Variants in CPNE8 observed in about 807,000 individuals in gnomAD.
CPNE8 encodes copine 8, also known as copine-8.
In CPNE8, 45 loss-of-function variants were observed where a neutral mutation model predicts 81.5. That is an observed-to-expected ratio of 0.55 (90% CI 0.44 to 0.71). The LOEUF is 0.71. Ranked by LOEUF, CPNE8 falls within the 30% of genes least tolerant of loss-of-function variation. CPNE8 has a pLI of 0.00. For synonymous variants in CPNE8, 252 were observed against 226.3 expected (o/e 1.11, Z -1.02); for missense variants, 594 against 672.1 (o/e 0.88, Z 1.28).
chr12:38,811,617 G>A (rs1008515154), intron 6 of CPNE8, among the ~76,000 whole-genome samples: 1 of 152,310 alleles, frequency 6.6e-6, no homozygotes, highest in African/African-American at 2.4e-5. Flanking sequence ...CACTTTCAGA[G>A]GCTGAGACAG....
At chr12:38,699,417 G>A (rs901928239) in intron 14 of CPNE8, among the ~76,000 whole-genome samples, 2 of 152,100 alleles carry the variant, frequency 1.3e-5, no homozygotes, top group African/African-American at 4.8e-5. Context: ...TATGTGCCCC[G>A]ATCCTTATGT....
At chr12:38,779,132 C>A (rs1336799061) in intron 6 of CPNE8, among the ~76,000 whole-genome samples, 2 of 152,108 alleles carry the variant, frequency 1.3e-5, no homozygotes. Flanking sequence ...AACACCCTGA[C>A]TGAGCATCAA....
chr12:38,898,199 G>C (rs895683399), intron 1 of CPNE8, among the ~76,000 whole-genome samples: 3 of 152,030 alleles, frequency 2.0e-5, no homozygotes, highest in African/African-American at 7.2e-5. Context: ...TTCTAGATTA[G>C]CATTCTCCAC....
intron 6 of CPNE8, among the ~76,000 whole-genome samples, chr12:38,799,704 G>A (rs888531545): frequency 2.0e-5 from 3 of 151,632 alleles, no homozygotes; most frequent in African/African-American, 4.8e-5. Context: ...CAGCGTGAGC[G>A]ACGCAGAAGA....
intron 10 of CPNE8, among the ~76,000 whole-genome samples, chr12:38,760,451 A>ATATATATATGTG (rs749406707): frequency 0.014 from 1,735 of 120,142 alleles, 24 homozygotes; most frequent in Non-Finnish European, 0.02. Flanking sequence ...ATATATATAT[A>ATATATATATGTG]TGTGTGTGTA....
chr12:38,759,101 A>G (rs1230270733), intron 10 of CPNE8, among the ~76,000 whole-genome samples: 1 of 152,206 alleles, frequency 6.6e-6, no homozygotes. Context: ...AGGATTAGAG[A>G]CAAGTTCTAT....
chr12:38,833,224 G>A (rs1468561862), intron 5 of CPNE8, among the ~76,000 whole-genome samples: 2 of 151,602 alleles, frequency 1.3e-5, no homozygotes, highest in Non-Finnish European at 2.9e-5. Context: ...ATGGTGCTGT[G>A]TGCCTGTAAT....
At chr12:38,834,733 A>C (rs947385494) in intron 5 of CPNE8, among the ~76,000 whole-genome samples, 1 of 152,088 alleles carries the variant, frequency 6.6e-6, no homozygotes, top group South Asian at 2.1e-4. Context: ...AAAAAGAAAA[A>C]TCCAAACTCT....
intron 11 of CPNE8, among the ~76,000 whole-genome samples, chr12:38,729,177 CA>C (rs1170722810): frequency 6.6e-6 from 1 of 152,090 alleles, no homozygotes; most frequent in Non-Finnish European, 1.5e-5. Flanking sequence ...GGTTCTTCCT[CA>C]GCCTTGATGT....
intron 1 of CPNE8, among the ~76,000 whole-genome samples, chr12:38,898,495 T>C (rs1240915290): frequency 6.6e-6 from 1 of 152,184 alleles, no homozygotes; most frequent in African/African-American, 2.4e-5. Flanking sequence ...CAGAATAGGA[T>C]GTTACGGTCT....
chr12:38,736,234 T>TCTGTGTGTGTGTGTG (rs60702724), intron 10 of CPNE8, among the ~76,000 whole-genome samples: 1 of 148,736 alleles, frequency 6.7e-6, no homozygotes, highest in Non-Finnish European at 1.5e-5. Flanking sequence ...TGTGTGTGTG[T>TCTGTGTGTGTGTGTG]TGTGTGTGTA....
chr12:38,832,121 C>T (rs760177402), intron 5 of CPNE8, among the ~76,000 whole-genome samples: 1 of 152,196 alleles, frequency 6.6e-6, no homozygotes, highest in Non-Finnish European at 1.5e-5. Flanking sequence ...AGGCCACACA[C>T]ACACTGGTGT....
At position 38,765,408 on chromosome 12, in the gene CPNE8, G is replaced by A. The variant is rs150252862; in HGVS notation, c.575+2227C>T. On this transcript the variant is annotated intron_variant, in intron 8 of 19. Transcript: ENST00000331366. ...TTACCCAATCATATATAAATATCACGCTACTAAATAAATGTCAAAGCAAGA... is the reference window on the plus strand; with the variant it reads ...TTACCCAATCATATATAAATATCACACTACTAAATAAATGTCAAAGCAAGA... 5.0e-3 allele frequency among the ~76,000 whole-genome samples: 757 copies of A among 152,050 alleles called. 5 individuals carry two copies. Among genetic ancestry groups the A allele is most frequent in the African/African-American group, 0.017 (701 of 41,460 alleles).
At chr12:38,858,009 T>C (rs1003568988) in intron 3 of CPNE8, among the ~76,000 whole-genome samples, 1 of 152,238 alleles carries the variant, frequency 6.6e-6, no homozygotes, top group African/African-American at 2.4e-5. Flanking sequence ...ACAAGTACAT[T>C]CTCTCTCTGA....
At chr12:38,789,514 G>C (rs965742942) in intron 6 of CPNE8, among the ~76,000 whole-genome samples, 5 of 151,714 alleles carry the variant, frequency 3.3e-5, no homozygotes, top group African/African-American at 1.2e-4. Flanking sequence ...GAAAACTTTT[G>C]GGAAAGTCTC....
intron 3 of CPNE8, among the ~76,000 whole-genome samples, chr12:38,849,620 A>G (rs1367691614): frequency 6.6e-6 from 1 of 152,230 alleles, no homozygotes; most frequent in Non-Finnish European, 1.5e-5. Flanking sequence ...GTAGTACAAA[A>G]TATTGATGAC....
intron 6 of CPNE8, among the ~76,000 whole-genome samples, chr12:38,822,566 C>A (rs1943123839): frequency 6.6e-6 from 1 of 152,168 alleles, no homozygotes; most frequent in Non-Finnish European, 1.5e-5. Context: ...CAATAATACT[C>A]TTAAATGAGT....
At chr12:38,655,237 G>C (rs576351840) in intron 19 of CPNE8, among the ~76,000 whole-genome samples, 4 of 152,206 alleles carry the variant, frequency 2.6e-5, no homozygotes, top group African/African-American at 9.6e-5. Context: ...AATTATGTGA[G>C]AGCCCTTATC....
chr12:38,718,173 G>A (rs1258992993), intron 13 of CPNE8, among the ~76,000 whole-genome samples: 1 of 152,076 alleles, frequency 6.6e-6, no homozygotes, highest in Non-Finnish European at 1.5e-5. Flanking sequence ...CTTTTGCAGT[G>A]TCATCAGAGG....
Sources: gnomAD v4.1 joint callset for allele counts (sites outside exome capture counted in the v4.1 genomes callset) on GRCh38, gnomAD v4.1.1 for gene constraint, MANE v1.5 for transcripts, NCBI Gene and HGNC (gene_info 2026-07-23, HGNC 2026-07-21) for gene names.